Variants in GREB1 observed in about 807,000 individuals in gnomAD.
The protein encoded by GREB1 is protein GREB1.
GREB1 carries 106 observed loss-of-function variants against 200.7 expected under a neutral mutation model. That is an observed-to-expected ratio of 0.53 (90% confidence interval 0.45 to 0.62). The LOEUF is 0.62. Ranked by LOEUF, GREB1 falls within the 20% of genes least tolerant of loss-of-function variation. GREB1 has a pLI of 0.00. For missense variants in GREB1, 2,243 were observed against 2,556.8 expected, an observed-to-expected ratio of 0.88 and a Z score of 2.65; for synonymous variants, 1,132 against 1,092.4, an observed-to-expected ratio of 1.04 and a Z score of -0.72.
chr2:11,590,800 G>C (rs985283665), intron 10 of GREB1, among the ~76,000 whole-genome samples: 1 of 152,158 alleles, frequency 6.6e-6, no homozygotes, highest in African/African-American at 2.4e-5. Context: ...AACCTATATT[G>C]AGGGAATAGT....
At chr2:11,486,507 A>G (rs1167987179) in intron 1 of GREB1, among the ~76,000 whole-genome samples, 1 of 152,122 alleles carries the variant, frequency 6.6e-6, no homozygotes. Flanking sequence ...CTCTCATAGA[A>G]GTAATATATA....
intron 1 of GREB1, among the ~76,000 whole-genome samples, chr2:11,494,014 T>A (rs1260471200): frequency 6.6e-6 from 1 of 152,216 alleles, no homozygotes; most frequent in Non-Finnish European, 1.5e-5. Flanking sequence ...CCAGGTACCT[T>A]ACACAGGCTG....
intron 9 of GREB1, chr2:11,587,242 C>T (rs138559343): frequency 2.6e-5 from 19 of 728,354 alleles, no homozygotes; most frequent in Admixed American, 7.3e-5. Flanking sequence ...CCTTAAGACT[C>T]AGCTCTGTGC....
At chr2:11,605,117 T>TCTGGAGCTGGGCACCAGA (rs1682132513) in intron 17 of GREB1, among the ~76,000 whole-genome samples, 1 of 143,884 alleles carries the variant, frequency 7.0e-6, no homozygotes, top group Non-Finnish European at 1.5e-5. Flanking sequence ...GGGGGTACTG[T>TCTGGAGCTGGGCACCAGA]CTGGAGCTGG....
At chr2:11,605,874 T>G (rs76461983) in intron 17 of GREB1, among the ~76,000 whole-genome samples, 5,278 of 152,290 alleles carry the variant, frequency 0.035, 315 homozygotes, top group African/African-American at 0.12. Context: ...TAGGTTGTTT[T>G]TCGGTTTTGG....
Position 11,624,994 on chromosome 2 carries a change from C to T in GREB1, c.4148-160C>T, listed in dbSNP as rs529806998. On this transcript the variant is annotated intron_variant, in intron 23 of 32. Coordinates refer to ENST00000381486, the MANE Select transcript of GREB1 (RefSeq NM_014668.4). The stretch of plus-strand genomic sequence containing the variant: ...CATCCTAGTGTGTAGCAGGCTGTGC[C>T]GTGTAGGTGTGTGTAAGTGCACTCT... Among the ~76,000 whole-genome samples the T allele has an allele frequency of 9.4e-4, 143 of 152,260 alleles. 1 individual carries two copies. Among genetic ancestry groups the T allele is most frequent in the Non-Finnish European group, 1.4e-3 (98 of 68,022 alleles).
intron 1 of GREB1, among the ~76,000 whole-genome samples, chr2:11,552,964 C>G (rs995819053): frequency 2.7e-5 from 4 of 146,844 alleles, no homozygotes; most frequent in Middle Eastern, 3.6e-3. Context: ...GAGTCGAGAT[C>G]GCGCCACTGC....
intron 18 of GREB1, 108 bp downstream of exon 18, chr2:11,611,135 G>T (rs3762577): frequency 0.23 from 217,663 of 943,976 alleles, 26,847 homozygotes; most frequent in Admixed American, 0.37. Context: ...GGCCAACGTG[G>T]CTTCCCTAGA....
At chr2:11,587,651 A>C in intron 9 of GREB1, 3 of 1,386,170 alleles carry the variant, frequency 2.2e-6, no homozygotes, top group Non-Finnish European at 2.8e-6. Flanking sequence ...GAAGTCAGAA[A>C]ATATATTTTT....
chr2:11,627,094 C>T lies in GREB1; in HGVS notation c.4439C>T (p.Pro1480Leu). 6.3e-7 allele frequency: 1 copy of T among 1,595,290 alleles called. No homozygotes were observed. Among genetic ancestry groups the T allele is most frequent in the Non-Finnish European group, 8.6e-7 (1 of 1,169,128 alleles). Residue 1480 changes from proline to leucine, a missense_variant, in exon 25 of 33, where the codon CCC (proline) becomes CTC (leucine). Pro to Leu is a moderately conservative substitution (Grantham distance 98). Transcript: ENST00000381486. ...EQCHQYMGFH[P>L]RYQLYESTLH... ...TGCCACCAGTACATGGGCTTCCACC[C>T]CCGCTACCAGGTAGGCCCCAGCAGT...
At chr2:11,598,609 A>C in intron 14 of GREB1, 71 bp from the exon 15 acceptor site, 1 of 1,378,406 alleles carries the variant, frequency 7.3e-7, no homozygotes, top group Non-Finnish European at 1.0e-6. Context: ...GTCGCTCCTC[A>C]GGTGTCTGTT....
At chr2:11,607,428 ATGTGTGTG>A (rs201217755) in intron 17 of GREB1, among the ~76,000 whole-genome samples, 6,584 of 104,778 alleles carry the variant, frequency 0.063, 317 homozygotes, top group South Asian at 0.26. Flanking sequence ...CAGTATATGT[ATGTGTGTG>A]TGTGTGTGTG....
Position 11,597,982 on chromosome 2 carries a change from TG to T in GREB1, c.2152+8del, listed in dbSNP as rs2148221713. On this transcript the variant is annotated splice_donor_5th_base_variant and intron_variant, in intron 14 of 32. Coordinates refer to ENST00000381486, the MANE Select transcript of GREB1 (RefSeq NM_014668.4). The surrounding 1 kb of genome is among the most constrained non-coding windows in gnomAD (Gnocchi z 4.1). ...CTGCTCCATGTGTGGCATTCAGGTA[TG>T]GGGCATTTTGGGGAGAAGTCACGTG... The T allele has an allele frequency of 6.2e-7, 1 of 1,605,642 alleles. No homozygotes were observed. The highest frequency in any genetic ancestry group is 1.1e-5 in the South Asian group (1 of 90,946).
chr2:11,526,103 T>C (rs1673864175), intron 1 of GREB1, among the ~76,000 whole-genome samples: 1 of 152,226 alleles, frequency 6.6e-6, no homozygotes, highest in African/African-American at 2.4e-5. Context: ...GAAAAATCCA[T>C]AGAGGGCTTG....
Position 11,633,111 on chromosome 2 carries a change from CCAA to C in GREB1, c.4991+50_4991+52del, listed in dbSNP as rs780787138. The C allele has an allele frequency of 2.2e-5, 34 of 1,577,914 alleles. No homozygotes were observed. In the African/African-American group the frequency reaches 3.2e-4, roughly 15 times the overall value. ...CCTCCTGCCACCCTACGAATGATGACCAACGAGTGTGCCCTCTTTGTATGGGGA... is the reference window on the plus strand; with the variant it reads ...CCTCCTGCCACCCTACGAATGATGACCGAGTGTGCCCTCTTTGTATGGGGA... On this transcript the variant is annotated intron_variant, in intron 28 of 32. Coordinates refer to ENST00000381486, the MANE Select transcript of GREB1 (RefSeq NM_014668.4). This position sits in a 1 kb window ranked among gnomAD's most constrained non-coding sequence, Gnocchi z 4.1.
chr2:11,638,963 C>T (rs1241903273), intron 32 of GREB1, among the ~76,000 whole-genome samples, 154 bp downstream of exon 32: 1 of 152,218 alleles, frequency 6.6e-6, no homozygotes, highest in Non-Finnish European at 1.5e-5. Flanking sequence ...CAGGGAAGTG[C>T]AAGAGAGCTG....
chr2:11,501,518 C>G (rs1673036169), intron 1 of GREB1, among the ~76,000 whole-genome samples: 2 of 151,696 alleles, frequency 1.3e-5, no homozygotes, highest in African/African-American at 4.8e-5. Flanking sequence ...CTCAGCCTCC[C>G]AAATAGCTGG....
intron 1 of GREB1, among the ~76,000 whole-genome samples, chr2:11,556,061 T>C (rs927305645): frequency 6.6e-6 from 1 of 152,216 alleles, no homozygotes; most frequent in African/African-American, 2.4e-5. Flanking sequence ...ATTTAGTAGA[T>C]TAAAAAACAT....
chr2:11,641,294 C>T lies in GREB1; in HGVS notation c.*840C>T, dbSNP rs1685790961. ...TAGTTGATGAGAACTAGACTTATGACTGTAGTTTACTAGAGTTTAGTTTTC... is the reference window on the plus strand; with the variant it reads ...TAGTTGATGAGAACTAGACTTATGATTGTAGTTTACTAGAGTTTAGTTTTC... On this transcript the variant is annotated 3_prime_UTR_variant, in exon 33 of 33. Transcript: ENST00000381486. 6.6e-6 allele frequency: 1 copy of T among 152,132 alleles called. No individual in the cohort carries two copies. Among genetic ancestry groups the T allele is most frequent in the Non-Finnish European group, 1.5e-5 (1 of 68,038 alleles). 9.4% of individuals were successfully genotyped at this position (152,132 alleles called of 1,614,324 possible).
Sources: allele counts gnomAD v4.1 joint callset (sites outside exome capture counted in the v4.1 genomes callset), GRCh38; gene constraint gnomAD v4.1.1; non-coding constraint Gnocchi (gnomAD v3.1); transcripts MANE v1.5; gene names NCBI Gene and HGNC (gene_info 2026-07-23, HGNC 2026-07-21).